LAMA3: variants seen among roughly 807,000 people sequenced by gnomAD.
LAMA3 encodes the protein laminin subunit alpha-3.
In LAMA3, 281 loss-of-function variants were observed where a neutral mutation model predicts 402.0. The ratio of observed to expected loss-of-function variants is 0.70; its 90% confidence interval spans 0.63 to 0.77. LAMA3 has a LOEUF of 0.77. Among genes scored for constraint, LAMA3 ranks in the 30% least tolerant of loss-of-function variants. The pLI, the probability that LAMA3 is intolerant of heterozygous loss-of-function variation, is 0.00. For synonymous variants in LAMA3, 1,431 were observed against 1,558.4 expected (o/e 0.92, Z 1.93); for missense variants, 3,840 against 4,215.5 (o/e 0.91, Z 2.47).
At chr18:23,786,027 T>C (rs11662490) in intron 12 of LAMA3, among the ~76,000 whole-genome samples, 6,307 of 152,114 alleles carry the variant, frequency 0.041, 206 homozygotes, top group Non-Finnish European at 0.06. Context: ...AGGAGGGAGG[T>C]TGGTAGATAC....
chr18:23,857,474 A>G (rs1278699987), intron 32 of LAMA3, among the ~76,000 whole-genome samples: 3 of 152,186 alleles, frequency 2.0e-5, no homozygotes, highest in African/African-American at 7.2e-5. Flanking sequence ...CCCCAGGGAA[A>G]CTTGTCACCT....
At chr18:23,804,748 C>A (rs959119349) in intron 12 of LAMA3, among the ~76,000 whole-genome samples, 1 of 152,216 alleles carries the variant, frequency 6.6e-6, no homozygotes, top group Admixed American at 6.5e-5. Context: ...GAGATGGATC[C>A]TTCATGAATG....
chr18:23,697,759 A>T (rs1218692120), intron 1 of LAMA3, among the ~76,000 whole-genome samples: 1 of 142,930 alleles, frequency 7.0e-6, no homozygotes, highest in Non-Finnish European at 1.5e-5. Flanking sequence ...AGTATTTCGG[A>T]TAAAGGATAC....
intron 22 of LAMA3, 143 bp from the exon 23 acceptor site, chr18:23,827,171 C>T (rs1458167218): frequency 4.3e-6 from 4 of 932,418 alleles, no homozygotes; most frequent in Non-Finnish European, 5.2e-6. Flanking sequence ...ATTCTTGTAG[C>T]AGACACTTAA....
chr18:23,745,547 T>C (rs1461088544), intron 2 of LAMA3, among the ~76,000 whole-genome samples: 4 of 152,174 alleles, frequency 2.6e-5, no homozygotes, highest in Admixed American at 2.0e-4. Context: ...TTAGGTCCTG[T>C]GACATAGCAA....
chr18:23,916,864 A>C (rs975601203), intron 60 of LAMA3, among the ~76,000 whole-genome samples, 169 bp downstream of exon 60: 1 of 148,946 alleles, frequency 6.7e-6, no homozygotes, highest in Admixed American at 6.7e-5. Context: ...TGGGAAATGT[A>C]CTTTTTTTTT....
intron 10 of LAMA3, among the ~76,000 whole-genome samples, chr18:23,776,841 C>CTTTTT (rs34901172): frequency 4.9e-4 from 67 of 135,884 alleles, no homozygotes; most frequent in East Asian, 2.8e-3. Flanking sequence ...TTGTATTTGC[C>CTTTTT]TTTTTTTTTT....
intron 32 of LAMA3, among the ~76,000 whole-genome samples, chr18:23,850,621 G>T (rs2063922082): frequency 6.6e-6 from 1 of 152,156 alleles, no homozygotes; most frequent in Admixed American, 6.5e-5. Flanking sequence ...TATTATTCTG[G>T]CCAATTCTAT....
chr18:23,807,100 CTAGAGTCATT>C (rs2062977224), intron 12 of LAMA3, among the ~76,000 whole-genome samples: 1 of 152,160 alleles, frequency 6.6e-6, no homozygotes, highest in South Asian at 2.1e-4. Flanking sequence ...ACTATTGGAA[CTAGAGTCATT>C]AGTGCTTCTA....
intron 32 of LAMA3, among the ~76,000 whole-genome samples, chr18:23,854,339 T>G (rs2064015321): frequency 6.6e-6 from 1 of 152,176 alleles, no homozygotes; most frequent in South Asian, 2.1e-4. Context: ...TCCTTTCCAG[T>G]GAAGTGAAAA....
At chr18:23,806,367 A>T (rs1236280803) in intron 12 of LAMA3, among the ~76,000 whole-genome samples, 1 of 152,210 alleles carries the variant, frequency 6.6e-6, no homozygotes, top group East Asian at 1.9e-4. Context: ...CTCATGGGTC[A>T]TACTTTGTAC....
At chr18:23,834,692 A>G (rs891804662) in intron 24 of LAMA3, 1 of 153,448 alleles carries the variant, frequency 6.5e-6, no homozygotes, top group Non-Finnish European at 1.5e-5. Flanking sequence ...GGAGCACTGC[A>G]GTAAACCCAT....
At chr18:23,766,729 C>T (rs1041906918) in intron 8 of LAMA3, among the ~76,000 whole-genome samples, 2 of 151,962 alleles carry the variant, frequency 1.3e-5, no homozygotes, top group South Asian at 2.1e-4. Context: ...ATCCCAGATA[C>T]TCGGGAGGCT....
intron 27 of LAMA3, among the ~76,000 whole-genome samples, chr18:23,840,776 T>A (rs1480092970): frequency 6.6e-6 from 1 of 152,140 alleles, no homozygotes; most frequent in East Asian, 1.9e-4. Flanking sequence ...AAAAATATAA[T>A]TTACATTATG....
intron 2 of LAMA3, among the ~76,000 whole-genome samples, chr18:23,718,786 C>A (rs1241893372): frequency 6.6e-6 from 1 of 152,230 alleles, no homozygotes; most frequent in African/African-American, 2.4e-5. Context: ...CTTGTCCCAT[C>A]TCAAGGGCCT....
chr18:23,870,401 G>A (rs2064483402), intron 37 of LAMA3, among the ~76,000 whole-genome samples: 1 of 152,168 alleles, frequency 6.6e-6, no homozygotes, highest in African/African-American at 2.4e-5. Context: ...ATGTGAAATG[G>A]TGCATCCACT....
chr18:23,822,809 T>A (rs1248746568), intron 20 of LAMA3, among the ~76,000 whole-genome samples: 2 of 152,218 alleles, frequency 1.3e-5, no homozygotes, highest in Admixed American at 6.5e-5. Context: ...ATTTTTCCTA[T>A]GAATGCTGTA....
At chr18:23,911,933 A>AT (rs1310145770) in intron 55 of LAMA3, among the ~76,000 whole-genome samples, 2 of 145,640 alleles carry the variant, frequency 1.4e-5, no homozygotes, top group Non-Finnish European at 3.0e-5. Flanking sequence ...TAATATATAA[A>AT]ATTATATATT....
At chr18:23,894,800 C>A in intron 43 of LAMA3, 107 bp from the exon 44 acceptor site, 1 of 1,406,968 alleles carries the variant, frequency 7.1e-7, no homozygotes, top group East Asian at 2.3e-5. Context: ...GGTTGTCACC[C>A]GTGACGATCT....
Sources: allele counts gnomAD v4.1 joint callset (sites outside exome capture counted in the v4.1 genomes callset), GRCh38; gene constraint gnomAD v4.1.1; transcripts MANE v1.5; gene names NCBI Gene and HGNC (gene_info 2026-07-23, HGNC 2026-07-21).